STX7: variants seen among roughly 807,000 people sequenced by gnomAD.
STX7 encodes syntaxin-7.
A neutral mutation model predicts 39.6 loss-of-function variants in STX7; 34 were observed. That is an observed-to-expected ratio of 0.86 (90% CI 0.65 to 1.14). STX7 has a LOEUF of 1.14. STX7 is among the 50% of genes most tolerant of loss of function. The probability of loss-of-function intolerance (pLI) is 0.00; values close to 1 mark genes in which losing one functional copy is unlikely to be tolerated. For synonymous variants in STX7, 119 were observed against 99.1 expected (o/e 1.20, Z -1.19); for missense variants, 284 against 310.4 (o/e 0.92, Z 0.64).
At chr6:132,500,120 G>C (rs1203060682) in intron 2 of STX7, among the ~76,000 whole-genome samples, 1 of 152,150 alleles carries the variant, frequency 6.6e-6, no homozygotes, top group East Asian at 1.9e-4. Flanking sequence ...CCAGACCTCT[G>C]TGATGACCAG....
chr6:132,472,299 T>TGG lies in STX7; in HGVS notation c.230_231dup (p.Thr78ProfsTer17). On this transcript the variant is annotated frameshift_variant, in exon 4 of 10. Transcript: ENST00000367941. LOFTEE classifies it high-confidence loss of function. ...CTTGATACCTGTTCACTGGGGGTGG[T>TGG]GGGCAGAGATCCAAACTCTTTAATG... 6.2e-7 allele frequency: 1 copy of TGG among 1,613,182 alleles called. No individual in the cohort carries two copies. The highest frequency in any genetic ancestry group is 8.5e-7 in the Non-Finnish European group (1 of 1,179,702).
chr6:132,462,518 T>G (rs1428250256), intron 9 of STX7, among the ~76,000 whole-genome samples: 2 of 151,940 alleles, frequency 1.3e-5, no homozygotes, highest in Non-Finnish European at 2.9e-5. Context: ...TAGTCACTGA[T>G]GGATCCTGTT....
chr6:132,507,546 A>G (rs1415467331), intron 1 of STX7, among the ~76,000 whole-genome samples: 2 of 152,242 alleles, frequency 1.3e-5, no homozygotes, highest in Admixed American at 6.5e-5. Flanking sequence ...GACATTTCAT[A>G]GGAATGGAAT....
chr6:132,490,759 G>A (rs779221264), intron 2 of STX7, among the ~76,000 whole-genome samples: 10 of 152,242 alleles, frequency 6.6e-5, no homozygotes, highest in Non-Finnish European at 1.0e-4. Flanking sequence ...GCTGGAGAAG[G>A]TGGGAAAAGG....
intron 1 of STX7, among the ~76,000 whole-genome samples, chr6:132,504,453 A>G (rs1775649257): frequency 6.6e-6 from 1 of 152,154 alleles, no homozygotes; most frequent in Non-Finnish European, 1.5e-5. Context: ...AGGGTTTGGA[A>G]AGAAGGTTGA....
chr6:132,507,169 G>T (rs1479896527), intron 1 of STX7, among the ~76,000 whole-genome samples: 1 of 152,108 alleles, frequency 6.6e-6, no homozygotes, highest in Non-Finnish European at 1.5e-5. Context: ...GGTGAGGGAT[G>T]AGAAATTACT....
intron 2 of STX7, among the ~76,000 whole-genome samples, chr6:132,495,502 A>C (rs1459326919): frequency 6.6e-6 from 1 of 152,158 alleles, no homozygotes; most frequent in Non-Finnish European, 1.5e-5. Context: ...TTTTTCCTTT[A>C]ATAAACTGCC....
At chr6:132,479,530 A>G (rs1220768125) in intron 2 of STX7, among the ~76,000 whole-genome samples, 2 of 152,238 alleles carry the variant, frequency 1.3e-5, no homozygotes, top group East Asian at 3.8e-4. Context: ...CATGAATTGT[A>G]TCTTGTTGGT....
intron 2 of STX7, among the ~76,000 whole-genome samples, chr6:132,479,669 C>G (rs191243693): frequency 1.3e-5 from 2 of 152,290 alleles, no homozygotes; most frequent in Admixed American, 1.3e-4. Flanking sequence ...ATAGACTCAA[C>G]AATATGGATT....
chr6:132,460,796 C>T lies in STX7; in HGVS notation c.748G>A (p.Ala250Thr). The T allele has an allele frequency of 6.2e-7, 1 of 1,613,610 alleles. No individual in the cohort carries two copies. The highest frequency in any genetic ancestry group is 8.5e-7 in the Non-Finnish European group (1 of 1,179,798). ...CCCCATATGATGAGACTGATAATCG[C>T]AACTCCAATGACAAGGATAAGAATG... is the stretch of plus-strand genomic sequence containing the variant. ...IIILILVIGV[A>T]IISLIIWGLN... is the part of the protein sequence containing the mutation. The change falls in exon 10 of 10, where the codon GCG (alanine) becomes ACG (threonine). Residue 250 changes from alanine (A) to threonine (T), a missense_variant. Physicochemically the swap from Ala to Thr is moderately conservative, Grantham distance 58. Coordinates refer to ENST00000367941, the MANE Select transcript of STX7 (RefSeq NM_003569.3).
intron 2 of STX7, among the ~76,000 whole-genome samples, chr6:132,480,834 T>C (rs979942180): frequency 2.6e-5 from 4 of 152,056 alleles, no homozygotes; most frequent in African/African-American, 7.2e-5. Flanking sequence ...AGTTGTAGAG[T>C]GGTAACTTAG....
At chr6:132,463,917 T>C in intron 9 of STX7, 76 bp downstream of exon 9, 1 of 1,398,936 alleles carries the variant, frequency 7.1e-7, no homozygotes, top group Non-Finnish European at 1.0e-6. Context: ...AATCTCTCCC[T>C]GCTTCCTCAA....
chr6:132,509,487 C>A (rs373794166), intron 1 of STX7, among the ~76,000 whole-genome samples: 110,337 of 129,636 alleles, frequency 0.85, 46,637 homozygotes, highest in Middle Eastern at 0.96. Context: ...CATAACATAA[C>A]ATAACATAAC....
chr6:132,470,653 T>G, intron 5 of STX7, 27 bp from the exon 6 acceptor site: 1 of 1,582,248 alleles, frequency 6.3e-7, no homozygotes, highest in Non-Finnish European at 8.6e-7. Context: ...CAGGATGGAA[T>G]GAGAAGGGGC....
chr6:132,499,362 A>T (rs1278992572), intron 2 of STX7, among the ~76,000 whole-genome samples: 1 of 152,230 alleles, frequency 6.6e-6, no homozygotes, highest in East Asian at 1.9e-4. Context: ...CCTCTCTGGC[A>T]GCTAGGTGTA....
chr6:132,490,130 G>A (rs1485928762), intron 2 of STX7, among the ~76,000 whole-genome samples: 1 of 152,216 alleles, frequency 6.6e-6, no homozygotes, highest in Non-Finnish European at 1.5e-5. Context: ...TGTGTAAGAA[G>A]CAAACAGGAA....
intron 1 of STX7, among the ~76,000 whole-genome samples, chr6:132,511,047 AC>A (rs1246181154): frequency 1.4e-4 from 21 of 152,000 alleles, no homozygotes; most frequent in African/African-American, 5.1e-4. Context: ...TATACCCTCT[AC>A]CCCAAGTAAG....
intron 2 of STX7, among the ~76,000 whole-genome samples, chr6:132,481,244 C>T (rs535750993): frequency 5.3e-5 from 8 of 152,114 alleles, no homozygotes; most frequent in African/African-American, 1.4e-4. Context: ...TTTTGGGCCA[C>T]CTAATACCCA....
intron 2 of STX7, among the ~76,000 whole-genome samples, chr6:132,502,452 A>G (rs1775590664): frequency 6.6e-6 from 1 of 152,132 alleles, no homozygotes; most frequent in Admixed American, 6.5e-5. Context: ...ATAATTTACA[A>G]ACAAAAAAAA....
Sources: allele counts gnomAD v4.1 joint callset (sites outside exome capture counted in the v4.1 genomes callset), GRCh38; gene constraint gnomAD v4.1.1; transcripts MANE v1.5; gene names NCBI Gene and HGNC (gene_info 2026-07-23, HGNC 2026-07-21).